PTPRD: variants seen among roughly 807,000 people sequenced by gnomAD.
PTPRD encodes receptor-type tyrosine-protein phosphatase delta.
In PTPRD, 34 loss-of-function variants were observed where a neutral mutation model predicts 214.5. That is an observed-to-expected ratio of 0.16 (90% CI 0.12 to 0.21). The LOEUF (loss-of-function observed/expected upper bound fraction) is 0.21, where lower values mean the gene tolerates loss of function less well. PTPRD is among the 10% of genes least tolerant of loss of function. The pLI is 1.00. For missense variants in PTPRD, 2,545 were observed against 2,398.7 expected, an observed-to-expected ratio of 1.06 and a Z score of -1.27; for synonymous variants, 1,128 against 845.7, an observed-to-expected ratio of 1.33 and a Z score of -5.79.
intron 3 of PTPRD, among the ~76,000 whole-genome samples, chr9:10,129,818 A>G (rs181605311): frequency 1.2e-4 from 18 of 152,240 alleles, no homozygotes; most frequent in Admixed American, 1.1e-3. Context: ...TTGTTAATAA[A>G]TAATAATCAA....
chr9:9,534,668 G>A (rs930858715), intron 8 of PTPRD, among the ~76,000 whole-genome samples: 1 of 151,968 alleles, frequency 6.6e-6, no homozygotes, highest in East Asian at 1.9e-4. Flanking sequence ...TGAGTAAAGG[G>A]AAAAAATGTA....
At chr9:8,736,881 A>G (rs2090559898) in intron 11 of PTPRD, among the ~76,000 whole-genome samples, 1 of 152,174 alleles carries the variant, frequency 6.6e-6, no homozygotes, top group African/African-American at 2.4e-5. Flanking sequence ...AGTTCATTGG[A>G]AAAGTGCTAA....
intron 2 of PTPRD, among the ~76,000 whole-genome samples, chr9:10,359,779 C>T (rs1189467440): frequency 1.3e-5 from 2 of 152,078 alleles, no homozygotes; most frequent in Non-Finnish European, 2.9e-5. Context: ...TTAGTGTACA[C>T]TAGGGGATAC....
At chr9:9,476,640 C>G (rs1217696664) in intron 8 of PTPRD, among the ~76,000 whole-genome samples, 1 of 152,146 alleles carries the variant, frequency 6.6e-6, no homozygotes, top group Non-Finnish European at 1.5e-5. Context: ...TGAATTTTAC[C>G]TATGTATAAC....
intron 14 of PTPRD, among the ~76,000 whole-genome samples, chr9:8,553,951 G>A (rs2082902525): frequency 6.6e-6 from 1 of 152,210 alleles, no homozygotes; most frequent in African/African-American, 2.4e-5. Flanking sequence ...CACTTTGGGA[G>A]GCTGAGGTGG....
intron 2 of PTPRD, among the ~76,000 whole-genome samples, chr9:10,386,511 G>A (rs1170637961): frequency 1.3e-5 from 2 of 151,862 alleles, no homozygotes; most frequent in Admixed American, 1.3e-4. Flanking sequence ...ACCAGAAAAT[G>A]ACAGGTCTAG....
chr9:9,998,735 G>A (rs2096235957), intron 4 of PTPRD, among the ~76,000 whole-genome samples: 1 of 152,104 alleles, frequency 6.6e-6, no homozygotes, highest in African/African-American at 2.4e-5. Context: ...TCTCTCTCCA[G>A]GCACAAGTGC....
chr9:9,731,242 T>C (rs1394448293), intron 7 of PTPRD, among the ~76,000 whole-genome samples: 1 of 152,158 alleles, frequency 6.6e-6, no homozygotes, highest in East Asian at 1.9e-4. Flanking sequence ...GTATTTAATT[T>C]GGAATCTAAG....
intron 11 of PTPRD, among the ~76,000 whole-genome samples, chr9:8,823,068 G>A (rs1176648047): frequency 1.3e-5 from 2 of 152,062 alleles, no homozygotes; most frequent in Non-Finnish European, 1.5e-5. Context: ...TCAGGGTTCT[G>A]TTTCCATTTT....
chr9:8,795,608 A>C (rs1025462950), intron 11 of PTPRD, among the ~76,000 whole-genome samples: 2 of 148,456 alleles, frequency 1.3e-5, no homozygotes, highest in African/African-American at 4.8e-5. Flanking sequence ...GAGACGGAGT[A>C]ACAGCAATCA....
At chr9:9,896,861 A>C (rs1350443410) in intron 5 of PTPRD, among the ~76,000 whole-genome samples, 1 of 152,058 alleles carries the variant, frequency 6.6e-6, no homozygotes, top group Non-Finnish European at 1.5e-5. Flanking sequence ...CATATTAGAA[A>C]AATCATTAAC....
intron 3 of PTPRD, among the ~76,000 whole-genome samples, chr9:10,140,091 G>C (rs1486009733): frequency 2.0e-5 from 3 of 151,948 alleles, no homozygotes; most frequent in African/African-American, 7.2e-5. Context: ...CTCTTGATGT[G>C]AAGAAGCTCT....
chr9:8,821,561 C>T (rs2154526781), intron 11 of PTPRD, among the ~76,000 whole-genome samples: 1 of 152,292 alleles, frequency 6.6e-6, no homozygotes, highest in Middle Eastern at 3.4e-3. Flanking sequence ...AGGCCAATCC[C>T]AATGCAGTCA....
intron 34 of PTPRD, chr9:8,437,195 A>G (rs764984154): frequency 6.6e-7 from 1 of 1,523,650 alleles, no homozygotes. Flanking sequence ...AAGGAAAACT[A>G]ACTTGAAGAA....
intron 12 of PTPRD, among the ~76,000 whole-genome samples, chr9:8,711,025 G>C (rs187592363): frequency 6.6e-6 from 1 of 151,990 alleles, no homozygotes; most frequent in Non-Finnish European, 1.5e-5. Context: ...AGATGTGAAA[G>C]TATCTTACTT....
rs935535031 is a variant in PTPRD at position 9,869,461 on chromosome 9, C to T, written c.-368+69046G>A. On this transcript the variant is annotated intron_variant, in intron 5 of 45. Transcript: ENST00000381196. The stretch of plus-strand genomic sequence containing the variant: ...ACCTATATCTTCTCTGTGGACACTA[C>T]CTGGACTCACCTATAGCTTCTCTTT... Among the ~76,000 whole-genome samples the T allele has an allele frequency of 5.3e-5, 8 of 152,084 alleles. No individual in the cohort carries two copies. The East Asian group carries it at 1.3e-3, about 26-fold the overall frequency.
chr9:9,504,753 C>G (rs887791648), intron 8 of PTPRD, among the ~76,000 whole-genome samples: 1 of 151,340 alleles, frequency 6.6e-6, no homozygotes, highest in African/African-American at 2.4e-5. Context: ...TACAGAAAAC[C>G]CTAAAGGTGT....
At position 9,527,506 on chromosome 9, in the gene PTPRD, G is replaced by C. The variant is rs1054716403; in HGVS notation, c.-237+47226C>G. Among the ~76,000 whole-genome samples the C allele has an allele frequency of 2.0e-5, 3 of 152,128 alleles. No homozygotes were observed. The South Asian group carries it at 6.2e-4, about 31-fold the overall frequency. On this transcript the variant is annotated intron_variant, in intron 8 of 45. Transcript: ENST00000381196. Reference sequence around the variant, plus strand: ...AAAAATTGTAATCAAAAATTTGCTAGATTTTTTAGGGGAAAATCAGGACAA... The same window carrying C: ...AAAAATTGTAATCAAAAATTTGCTACATTTTTTAGGGGAAAATCAGGACAA...
intron 2 of PTPRD, among the ~76,000 whole-genome samples, chr9:10,569,633 C>A (rs2066810046): frequency 6.6e-6 from 1 of 151,748 alleles, no homozygotes; most frequent in African/African-American, 2.4e-5. Flanking sequence ...AATTTCATAG[C>A]TATGTAATTC....
Sources: gnomAD v4.1 joint callset for allele counts (sites outside exome capture counted in the v4.1 genomes callset) on GRCh38, gnomAD v4.1.1 for gene constraint, MANE v1.5 for transcripts, NCBI Gene and HGNC (gene_info 2026-07-23, HGNC 2026-07-21) for gene names.